The following DGCR2 variants were observed in gnomAD, a reference collection of about 807,000 sequenced individuals.
DGCR2 encodes the protein integral membrane protein DGCR2/IDD.
In DGCR2, 24 loss-of-function variants were observed where a neutral mutation model predicts 51.6. That is an observed-to-expected ratio of 0.47 (90% confidence interval 0.34 to 0.65). DGCR2 has a LOEUF of 0.65. DGCR2 is among the 30% of genes least tolerant of loss of function. The pLI is 0.01. For missense variants in DGCR2, 765 were observed against 772.1 expected (o/e 0.99, Z 0.11); for synonymous variants, 340 against 315.4 (o/e 1.08, Z -0.82).
chr22:19,102,492 G>C (rs1372931365), intron 1 of DGCR2, among the ~76,000 whole-genome samples: 1 of 152,036 alleles, frequency 6.6e-6, no homozygotes, highest in Non-Finnish European at 1.5e-5. Context: ...CATGAGGTCA[G>C]GCGATCAAGA....
At chr22:19,041,598 C>A (rs115140378) in intron 8 of DGCR2, 2 of 638,062 alleles carry the variant, frequency 3.1e-6, no homozygotes, top group Non-Finnish European at 5.4e-6. Flanking sequence ...CAGAGGCCTC[C>A]GAGTTCTGCC....
intron 1 of DGCR2, among the ~76,000 whole-genome samples, chr22:19,106,073 C>T (rs776667684): frequency 1.4e-4 from 22 of 152,162 alleles, no homozygotes; most frequent in Middle Eastern, 3.4e-3. Flanking sequence ...CTTGGAAAGA[C>T]GCCCCAGAGA....
At chr22:19,102,448 A>T (rs2083212539) in intron 1 of DGCR2, among the ~76,000 whole-genome samples, 1 of 152,182 alleles carries the variant, frequency 6.6e-6, no homozygotes, top group African/African-American at 2.4e-5. Context: ...CACGCCTGTA[A>T]TCCCAGCACT....
intron 1 of DGCR2, among the ~76,000 whole-genome samples, chr22:19,089,780 CAT>C (rs923081145): frequency 3.3e-5 from 5 of 152,338 alleles, no homozygotes; most frequent in African/African-American, 1.2e-4. Flanking sequence ...GGGGTTTTGC[CAT>C]GTTGGCCAGG....
intron 6 of DGCR2, among the ~76,000 whole-genome samples, chr22:19,053,533 A>G (rs2082570864): frequency 6.6e-6 from 1 of 152,166 alleles, no homozygotes; most frequent in Non-Finnish European, 1.5e-5. Flanking sequence ...TCTCGCCCAG[A>G]TCAACGCCCT....
At chr22:19,108,569 TAAAAAAAAA>T (rs55803042) in intron 1 of DGCR2, among the ~76,000 whole-genome samples, 17 of 90,720 alleles carry the variant, frequency 1.9e-4, no homozygotes, top group African/African-American at 6.3e-4. Flanking sequence ...AGAATTTATC[TAAAAAAAAA>T]AAAAAAAAAA....
At chr22:19,119,322 C>A (rs2083406602) in intron 1 of DGCR2, among the ~76,000 whole-genome samples, 1 of 152,136 alleles carries the variant, frequency 6.6e-6, no homozygotes, top group Non-Finnish European at 1.5e-5. Context: ...TTTCAGCTTC[C>A]CCATCTTTAA....
At chr22:19,046,860 A>T in intron 7 of DGCR2, 1 of 285,852 alleles carries the variant, frequency 3.5e-6, no homozygotes, top group South Asian at 2.6e-5. Context: ...TCTTTAGGCC[A>T]TACATGCCCA....
intron 2 of DGCR2, among the ~76,000 whole-genome samples, chr22:19,085,979 G>A (rs1047144962): frequency 6.6e-6 from 1 of 152,132 alleles, no homozygotes; most frequent in African/African-American, 2.4e-5. Context: ...TGAGAGGGGA[G>A]GAGGTTGGGG....
In DGCR2 at chr22:19,057,180, G is replaced by C; in HGVS notation, c.626-18C>G. 1 of 1,584,630 alleles carries C rather than the reference G, an allele frequency of 6.3e-7. No individual in the cohort carries two copies. Among genetic ancestry groups the C allele is most frequent in the Non-Finnish European group, 8.6e-7 (1 of 1,165,024 alleles). On this transcript the variant is annotated intron_variant, in intron 5 of 9. Coordinates refer to ENST00000263196, the MANE Select transcript of DGCR2 (RefSeq NM_005137.3). The surrounding 1 kb of genome is among the most constrained non-coding windows in gnomAD (Gnocchi z 5.1). ...TGAAGAGCCTGTTGGGGAGACAAAA[G>C]GTGGGGCTGGACAACATCACATCAG...
chr22:19,047,737 C>T (rs1446298765), intron 7 of DGCR2: 1 of 152,546 alleles, frequency 6.6e-6, no homozygotes, highest in Non-Finnish European at 1.5e-5. Flanking sequence ...CCTTAAAGCC[C>T]CCGCCTGGTG....
chr22:19,065,127 T>C (rs2082734041), intron 3 of DGCR2, 60 bp from the exon 4 acceptor site: 3 of 1,442,580 alleles, frequency 2.1e-6, no homozygotes, highest in African/African-American at 1.4e-5. Context: ...ATGGAAATTA[T>C]ATGTACTCCA....
intron 1 of DGCR2, among the ~76,000 whole-genome samples, chr22:19,095,953 C>T (rs1055305432): frequency 6.6e-5 from 10 of 152,266 alleles, no homozygotes; most frequent in Non-Finnish European, 1.2e-4. Context: ...CCCCCGCCAT[C>T]CATACAGGAG....
At chr22:19,092,182 A>G (rs2083085914) in intron 1 of DGCR2, among the ~76,000 whole-genome samples, 1 of 151,990 alleles carries the variant, frequency 6.6e-6, no homozygotes, top group South Asian at 2.1e-4. Context: ...CCTGTCTACT[A>G]AAAATACAAA....
At chr22:19,117,485 G>A (rs1475532097) in intron 1 of DGCR2, among the ~76,000 whole-genome samples, 2 of 152,254 alleles carry the variant, frequency 1.3e-5, no homozygotes, top group African/African-American at 4.8e-5. Flanking sequence ...TAGTGAGAAC[G>A]ATGGGGTGGG....
At chr22:19,066,479 C>T (rs1409305447) in intron 3 of DGCR2, among the ~76,000 whole-genome samples, 2 of 152,194 alleles carry the variant, frequency 1.3e-5, no homozygotes, top group Non-Finnish European at 2.9e-5. Context: ...CATCAGCTCT[C>T]GAGAAGGTGT....
chr22:19,106,050 G>C (rs1284751922), intron 1 of DGCR2, among the ~76,000 whole-genome samples: 2 of 151,850 alleles, frequency 1.3e-5, no homozygotes, highest in East Asian at 3.9e-4. Flanking sequence ...CTGGAACCAC[G>C]CAGGGAGACT....
At chr22:19,056,943 G>C in intron 6 of DGCR2, 43 bp downstream of exon 6, 1 of 1,510,404 alleles carries the variant, frequency 6.6e-7, no homozygotes, top group Non-Finnish European at 8.9e-7. Flanking sequence ...AGTGACACAA[G>C]GGCCCAGACA....
chr22:19,109,671 A>C (rs2083294438), intron 1 of DGCR2, among the ~76,000 whole-genome samples: 1 of 152,210 alleles, frequency 6.6e-6, no homozygotes, highest in Non-Finnish European at 1.5e-5. Context: ...TCAGTTTTGC[A>C]AGATGAAAAC....
Sources: allele counts gnomAD v4.1 joint callset (sites outside exome capture counted in the v4.1 genomes callset), GRCh38; gene constraint gnomAD v4.1.1; non-coding constraint Gnocchi (gnomAD v3.1); transcripts MANE v1.5; gene names NCBI Gene and HGNC (gene_info 2026-07-23, HGNC 2026-07-21).